The following CYRIA variants were observed in gnomAD, a reference collection of about 807,000 sequenced individuals.
CYRIA encodes CYFIP related Rac1 interactor A.
CYRIA carries 15 observed loss-of-function variants against 43.9 expected under a neutral mutation model. That is an observed-to-expected ratio of 0.34 (90% CI 0.23 to 0.53). The LOEUF is 0.53. Ranked by LOEUF, CYRIA falls within the 20% of genes least tolerant of loss-of-function variation. The pLI is 0.94. For synonymous variants in CYRIA, 117 were observed against 136.0 expected (o/e 0.86, Z 0.97); for missense variants, 236 against 394.2 (o/e 0.60, Z 3.40).
At chr2:16,590,455 T>C (rs1325389677) in intron 2 of CYRIA, among the ~76,000 whole-genome samples, 1 of 152,186 alleles carries the variant, frequency 6.6e-6, no homozygotes. Context: ...TTAGGTGTCT[T>C]AGTTTTGTGC....
chr2:16,634,794 C>T (rs980054729), intron 1 of CYRIA, among the ~76,000 whole-genome samples: 4 of 152,200 alleles, frequency 2.6e-5, no homozygotes, highest in Admixed American at 6.5e-5. Context: ...CAGATCCCTT[C>T]CCAACTTCAC....
chr2:16,615,597 T>A (rs901922969), intron 2 of CYRIA, among the ~76,000 whole-genome samples: 1 of 152,212 alleles, frequency 6.6e-6, no homozygotes, highest in African/African-American at 2.4e-5. Context: ...AGCCTGTTTC[T>A]TCACCTGCAA....
Position 16,565,241 on chromosome 2 carries a change from T to C in CYRIA, c.192+405A>G, listed in dbSNP as rs144228124. Among the ~76,000 whole-genome samples, 66 of 151,724 alleles carry C rather than the reference T, an allele frequency of 4.4e-4. No individual in the cohort carries two copies. The East Asian group carries it at 8.2e-3, about 19-fold the overall frequency. On this transcript the variant is annotated intron_variant, in intron 4 of 11. Coordinates refer to ENST00000381323, the MANE Select transcript of CYRIA (RefSeq NM_030797.4). ...CCCAGGCTGGAGTGCAATGGTGCGA[T>C]GTGCAACCTCAGCTCACTGAAACCT...
At position 16,552,994 on chromosome 2, in the gene CYRIA, G is replaced by A; in HGVS notation, c.914C>T (p.Thr305Ile). Residue 305 changes from threonine to isoleucine, a missense_variant, in exon 12 of 12, where the codon ACT (threonine) becomes ATT (isoleucine). Physicochemically the swap from Thr to Ile is moderately conservative, Grantham distance 89 (BLOSUM62 -1). Coordinates refer to ENST00000381323, the MANE Select transcript of CYRIA (RefSeq NM_030797.4). The stretch of plus-strand genomic sequence containing the variant: ...TGATTCATCGTTCAAGTGCTTTGTA[G>A]TGAACCTGGATGGAGAGAGAATGGT... ...VEGLLNALRFTTKHLNDESTS... is the reference protein window; with the variant it reads ...VEGLLNALRFITKHLNDESTS... 6.2e-7 allele frequency: 1 copy of A among 1,604,796 alleles called. No homozygotes were observed. Among genetic ancestry groups the A allele is most frequent in the Non-Finnish European group, 8.5e-7 (1 of 1,171,640 alleles).
chr2:16,556,173 G>A (rs1343412664), intron 10 of CYRIA, among the ~76,000 whole-genome samples: 1 of 152,078 alleles, frequency 6.6e-6, no homozygotes, highest in African/African-American at 2.4e-5. Context: ...CTTCTTGCAT[G>A]TCAAAAGTTT....
At chr2:16,628,704 C>A (rs773074103) in intron 1 of CYRIA, among the ~76,000 whole-genome samples, 1 of 152,158 alleles carries the variant, frequency 6.6e-6, no homozygotes, top group African/African-American at 2.4e-5. Flanking sequence ...TGCAGTCACC[C>A]GAATACAATC....
intron 2 of CYRIA, among the ~76,000 whole-genome samples, chr2:16,605,787 T>C (rs768221176): frequency 1.3e-5 from 2 of 152,216 alleles, no homozygotes; most frequent in African/African-American, 2.4e-5. Context: ...TCAGAATTCA[T>C]TCTCAAGTAT....
chr2:16,579,968 G>A (rs946541642), intron 3 of CYRIA, among the ~76,000 whole-genome samples: 2 of 148,272 alleles, frequency 1.3e-5, no homozygotes, highest in African/African-American at 5.0e-5. Context: ...TTTTTTTTGA[G>A]ACAGGGTCTC....
chr2:16,633,865 T>C (rs993383814), intron 1 of CYRIA, among the ~76,000 whole-genome samples: 2 of 152,138 alleles, frequency 1.3e-5, no homozygotes, highest in African/African-American at 4.8e-5. Context: ...TGCCCTACCA[T>C]GCTCCTACCC....
intron 3 of CYRIA, among the ~76,000 whole-genome samples, chr2:16,584,393 C>T (rs1024546230): frequency 2.4e-4 from 36 of 152,118 alleles, no homozygotes; most frequent in African/African-American, 8.4e-4. Flanking sequence ...CTGAGGGGGC[C>T]CAGACCCTGC....
intron 1 of CYRIA, among the ~76,000 whole-genome samples, chr2:16,635,517 C>G (rs1669469153): frequency 6.6e-6 from 1 of 152,178 alleles, no homozygotes. Context: ...GTAAACGTGT[C>G]TAGTTGAAAT....
chr2:16,593,799 A>G (rs1432207672), intron 2 of CYRIA, among the ~76,000 whole-genome samples: 3 of 138,456 alleles, frequency 2.2e-5, no homozygotes, highest in African/African-American at 8.2e-5. Context: ...ATATGTATAC[A>G]TGTGCCATGC....
intron 2 of CYRIA, among the ~76,000 whole-genome samples, chr2:16,592,064 T>C (rs1667951397): frequency 6.6e-6 from 1 of 151,932 alleles, no homozygotes; most frequent in African/African-American, 2.4e-5. Flanking sequence ...GGACAGAGAG[T>C]ACAGGTTGAG....
rs997215397 is a variant in CYRIA, at chr2:16,559,649, C to T, written c.711-63G>A. On this transcript the variant is annotated intron_variant, in intron 9 of 11. Transcript: ENST00000381323. ...TCAGAACATGTGCGTTCTTTGGCCCCACAACTGGATACTTTAGATGCCTCC... is the reference window on the plus strand; with the variant it reads ...TCAGAACATGTGCGTTCTTTGGCCCTACAACTGGATACTTTAGATGCCTCC... The T allele has an allele frequency of 8.9e-6, 14 of 1,574,756 alleles. No individual in the cohort carries two copies. The African/African-American group carries it at 1.9e-4, about 21-fold the overall frequency.
intron 1 of CYRIA, among the ~76,000 whole-genome samples, chr2:16,642,318 C>T (rs1309781454): frequency 1.3e-5 from 2 of 152,204 alleles, no homozygotes; most frequent in African/African-American, 4.8e-5. Flanking sequence ...TTTCTCATGT[C>T]AGCTAATGAC....
At chr2:16,664,916 T>A (rs1366349732) in intron 1 of CYRIA, among the ~76,000 whole-genome samples, 1 of 151,986 alleles carries the variant, frequency 6.6e-6, no homozygotes, top group African/African-American at 2.4e-5. Flanking sequence ...CTCCATCAGT[T>A]CTGGACCTGG....
chr2:16,593,933 T>C (rs1311847311), intron 2 of CYRIA, among the ~76,000 whole-genome samples: 2 of 122,982 alleles, frequency 1.6e-5, no homozygotes, highest in Admixed American at 8.8e-5. Context: ...TGTGTCCATG[T>C]GATCTCATTG....
chr2:16,609,397 T>C (rs1015696602), intron 2 of CYRIA, among the ~76,000 whole-genome samples: 3 of 152,208 alleles, frequency 2.0e-5, no homozygotes, highest in Non-Finnish European at 4.4e-5. Flanking sequence ...AATTGTAACA[T>C]GGATTAGCCA....
chr2:16,656,665 A>C (rs1310479195), intron 1 of CYRIA, among the ~76,000 whole-genome samples: 1 of 152,240 alleles, frequency 6.6e-6, no homozygotes, highest in East Asian at 1.9e-4. Flanking sequence ...AAGAAATGTT[A>C]ATCTTTTGAT....
Sources: gnomAD v4.1 joint callset for allele counts (sites outside exome capture counted in the v4.1 genomes callset) on GRCh38, gnomAD v4.1.1 for gene constraint, MANE v1.5 for transcripts, NCBI Gene and HGNC (gene_info 2026-07-23, HGNC 2026-07-21) for gene names.